The following ABI3BP variants were observed in gnomAD, a reference collection of about 807,000 sequenced individuals.
ABI3BP encodes the protein ABI family member 3 binding protein.
A neutral mutation model predicts 268.6 loss-of-function variants in ABI3BP; 216 were observed. The ratio of observed to expected loss-of-function variants is 0.80; its 90% CI spans 0.72 to 0.90. ABI3BP has a LOEUF of 0.90. ABI3BP is among the 40% of genes least tolerant of loss of function. ABI3BP has a pLI of 0.00. For synonymous variants in ABI3BP, 730 were observed against 730.0 expected (o/e 1.00, Z 0.00); for missense variants, 2,090 against 2,182.4 (o/e 0.96, Z 0.84).
intron 15 of ABI3BP, among the ~76,000 whole-genome samples, chr3:100,851,235 G>A (rs959766574): frequency 5.9e-5 from 9 of 152,110 alleles, no homozygotes; most frequent in Non-Finnish European, 8.8e-5. Flanking sequence ...AGGAGCTGTC[G>A]GACTGAGGTA....
rs1055344142 is a variant in ABI3BP at position 100,956,471 on chromosome 3, C to G, written c.80-29990G>C. 2.0e-5 allele frequency among the ~76,000 whole-genome samples: 3 copies of G among 152,164 alleles called. No individual in the cohort carries two copies. In the East Asian group the frequency reaches 5.8e-4, roughly 29 times the overall value. On this transcript the variant is annotated intron_variant, in intron 1 of 67. Transcript: ENST00000471714. ...ATTGTTGGTGCCAGACCCTCCAACTCTGTTCTTCCTGTCCTGCAAGGAAGC... is the reference window on the plus strand; with the variant it reads ...ATTGTTGGTGCCAGACCCTCCAACTGTGTTCTTCCTGTCCTGCAAGGAAGC...
intron 51 of ABI3BP, among the ~76,000 whole-genome samples, chr3:100,801,147 A>G (rs2097524897): frequency 6.6e-6 from 1 of 152,098 alleles, no homozygotes; most frequent in African/African-American, 2.4e-5. Flanking sequence ...TTTAGAGCAA[A>G]TCTGGAAAAG....
intron 62 of ABI3BP, 121 bp downstream of exon 62, chr3:100,770,622 G>T: frequency 1.1e-6 from 1 of 885,654 alleles, no homozygotes; most frequent in Non-Finnish European, 1.6e-6. Flanking sequence ...CAGCAAAACT[G>T]CTAGTTTTGT....
Position 100,824,879 on chromosome 3 carries a change from G to C in ABI3BP, c.2725C>G (p.Gln909Glu), listed in dbSNP as rs888905034. Residue 909 changes from glutamine (Q) to glutamate (E), a missense_variant, in exon 36 of 68, where the codon CAG becomes GAG. Physicochemically the swap from Gln to Glu is conservative, Grantham distance 29. Transcript: ENST00000471714. ...TTACCAGGTTTGGTCTCAGGTGCCT[G>C]AGGGCTCGGTGTAGTTTTAGGTCTG... ...RPRPKTTPSPQAPETKPVPAT... is the reference protein window; with the variant it reads ...RPRPKTTPSPEAPETKPVPAT... The C allele has an allele frequency of 1.3e-6, 2 of 1,536,124 alleles. No homozygotes were observed. Among genetic ancestry groups the C allele is most frequent in the Admixed American group, 3.9e-5 (2 of 50,984 alleles).
intron 2 of ABI3BP, among the ~76,000 whole-genome samples, chr3:100,913,571 T>C (rs981894): frequency 0.27 from 41,434 of 151,932 alleles, 5,830 homozygotes; most frequent in African/African-American, 0.36. Context: ...CTTTGCAAAA[T>C]TTCATGGTAG....
chr3:100,870,842 T>C (rs1347172522), intron 9 of ABI3BP, among the ~76,000 whole-genome samples: 1 of 152,188 alleles, frequency 6.6e-6, no homozygotes, highest in Non-Finnish European at 1.5e-5. Context: ...ACACACACAC[T>C]GGAGTATTAT....
intron 9 of ABI3BP, among the ~76,000 whole-genome samples, chr3:100,874,182 G>T (rs1044497891): frequency 6.6e-6 from 1 of 152,060 alleles, no homozygotes; most frequent in Non-Finnish European, 1.5e-5. Context: ...AATTCGGGAG[G>T]TGGGTTGGTG....
chr3:100,843,365 TCAGA>T (rs1278521102), intron 20 of ABI3BP, among the ~76,000 whole-genome samples: 4 of 151,970 alleles, frequency 2.6e-5, no homozygotes, highest in Non-Finnish European at 5.9e-5. Context: ...TAGTGATGTG[TCAGA>T]CTGAAGTTCA....
chr3:100,897,410 AC>A lies in ABI3BP; in HGVS notation c.461+1351del, dbSNP rs1208919445. On this transcript the variant is annotated intron_variant, in intron 4 of 67. Coordinates refer to ENST00000471714, the MANE Select transcript of ABI3BP (RefSeq NM_001375547.2). ...TCTGTATTCATATACATAAAAAAAA[AC>A]AACATAATTCAGGTGCTCATTAGCA... Among the ~76,000 whole-genome samples the A allele has an allele frequency of 3.3e-5, 5 of 152,264 alleles. No individual in the cohort carries two copies. The East Asian group carries it at 9.6e-4, about 29-fold the overall frequency.
intron 9 of ABI3BP, among the ~76,000 whole-genome samples, chr3:100,869,261 GAGA>G (rs201481345): frequency 0.33 from 43,363 of 132,896 alleles, 6,545 homozygotes; most frequent in Middle Eastern, 0.42. Flanking sequence ...CTAAGAGACA[GAGA>G]CATTTATATT....
intron 20 of ABI3BP, among the ~76,000 whole-genome samples, chr3:100,845,581 C>T (rs1258025131): frequency 6.6e-6 from 1 of 152,116 alleles, no homozygotes. Flanking sequence ...AATGGAAATG[C>T]AAGTTCAAAA....
intron 14 of ABI3BP, among the ~76,000 whole-genome samples, chr3:100,859,818 G>A (rs2098978155): frequency 6.6e-6 from 1 of 152,250 alleles, no homozygotes; most frequent in Non-Finnish European, 1.5e-5. Flanking sequence ...GGCCTATGGT[G>A]CTATAACCAA....
chr3:100,799,963 C>T (rs2097476865), intron 51 of ABI3BP, among the ~76,000 whole-genome samples: 1 of 152,252 alleles, frequency 6.6e-6, no homozygotes, highest in Non-Finnish European at 1.5e-5. Flanking sequence ...ACACACCCAT[C>T]TTTATTCCTC....
At chr3:100,987,261 T>A (rs9852414) in intron 1 of ABI3BP, among the ~76,000 whole-genome samples, 1 of 152,050 alleles carries the variant, frequency 6.6e-6, no homozygotes, top group Non-Finnish European at 1.5e-5. Flanking sequence ...ACCTCACTTA[T>A]GTCTTTAAAA....
At chr3:100,888,000 A>C (rs145791994) in intron 4 of ABI3BP, among the ~76,000 whole-genome samples, 1 of 152,218 alleles carries the variant, frequency 6.6e-6, no homozygotes, top group Admixed American at 6.5e-5. Flanking sequence ...CACAGGTAGT[A>C]TGCCCATGAA....
At chr3:100,864,771 C>G (rs1171014743) in intron 11 of ABI3BP, 62 bp downstream of exon 11, 4 of 1,290,340 alleles carry the variant, frequency 3.1e-6, no homozygotes, top group African/African-American at 3.0e-5. Flanking sequence ...TTCTGTGAGT[C>G]CTGGGAGTTA....
chr3:100,801,613 A>G (rs1247522056), intron 51 of ABI3BP, among the ~76,000 whole-genome samples: 4 of 152,278 alleles, frequency 2.6e-5, no homozygotes, highest in African/African-American at 7.2e-5. Context: ...CAAATTGCTG[A>G]AAACTCCTGA....
chr3:100,780,858 T>C (rs2150304515), intron 57 of ABI3BP, among the ~76,000 whole-genome samples: 1 of 152,310 alleles, frequency 6.6e-6, no homozygotes, highest in African/African-American at 2.4e-5. Flanking sequence ...TGGTTATTAC[T>C]AGCCATTTGC....
intron 56 of ABI3BP, among the ~76,000 whole-genome samples, chr3:100,788,337 C>T (rs2097109623): frequency 6.6e-6 from 1 of 152,124 alleles, no homozygotes; most frequent in Admixed American, 6.6e-5. Context: ...GGGAGAAAGT[C>T]ATAGCCTTAC....
Sources: gnomAD v4.1 joint callset for allele counts (sites outside exome capture counted in the v4.1 genomes callset) on GRCh38, gnomAD v4.1.1 for gene constraint, MANE v1.5 for transcripts, NCBI Gene and HGNC (gene_info 2026-07-23, HGNC 2026-07-21) for gene names.